NOS1AP: variants seen among roughly 807,000 people sequenced by gnomAD.
NOS1AP encodes the protein nitric oxide synthase 1 adaptor protein, also known as carboxyl-terminal PDZ ligand of neuronal nitric oxide synthase protein.
In NOS1AP, 21 loss-of-function variants were observed where a neutral mutation model predicts 56.2. The ratio of observed to expected loss-of-function variants is 0.37; its 90% CI spans 0.26 to 0.54. The LOEUF is 0.54. Ranked by LOEUF, NOS1AP falls within the 20% of genes least tolerant of loss-of-function variation. NOS1AP has a pLI of 0.84. For synonymous variants in NOS1AP, 270 were observed against 274.6 expected (o/e 0.98, Z 0.17); for missense variants, 522 against 657.8 (o/e 0.79, Z 2.26).
chr1:162,140,616 A>G (rs1490795254), intron 1 of NOS1AP, among the ~76,000 whole-genome samples: 3 of 152,176 alleles, frequency 2.0e-5, no homozygotes, highest in Non-Finnish European at 4.4e-5. Flanking sequence ...ATATCAGTGC[A>G]TATATCTTTT....
intron 1 of NOS1AP, among the ~76,000 whole-genome samples, chr1:162,132,437 A>T (rs1221521792): frequency 6.6e-6 from 1 of 152,252 alleles, no homozygotes; most frequent in East Asian, 1.9e-4. Flanking sequence ...TAAGATCCTC[A>T]TAGGAGAAAT....
rs892607581 is a variant in NOS1AP at position 162,132,639 on chromosome 1, A to G, written c.106-21766A>G. ...CCTAATCTTAGCTCATTAAAGCAAT[A>G]TGGAAAGTAGTAGTAAACTTGGTTT... On this transcript the variant is annotated intron_variant, in intron 1 of 9. Transcript: ENST00000361897. 2.0e-5 allele frequency among the ~76,000 whole-genome samples: 3 copies of G among 152,256 alleles called. No individual in the cohort carries two copies. In the South Asian group the frequency reaches 6.2e-4, roughly 32 times the overall value.
intron 3 of NOS1AP, among the ~76,000 whole-genome samples, chr1:162,289,785 C>T (rs1303066261): frequency 6.6e-6 from 1 of 152,086 alleles, no homozygotes; most frequent in Non-Finnish European, 1.5e-5. Context: ...TGTTGACTTT[C>T]GATTAGGTTA....
At chr1:162,363,251 G>C (rs1424856813) in intron 8 of NOS1AP, 1 of 152,612 alleles carries the variant, frequency 6.6e-6, no homozygotes, top group African/African-American at 2.4e-5. Flanking sequence ...TGATTTGCTA[G>C]AGCAACTGAC....
At chr1:162,335,346 A>G (rs1269885511) in intron 5 of NOS1AP, among the ~76,000 whole-genome samples, 2 of 152,184 alleles carry the variant, frequency 1.3e-5, no homozygotes, top group Non-Finnish European at 2.9e-5. Flanking sequence ...TGTAGGTGGG[A>G]AGGCTGGTTT....
intron 1 of NOS1AP, among the ~76,000 whole-genome samples, chr1:162,090,915 TC>T (rs1692113907): frequency 6.6e-6 from 1 of 152,216 alleles, no homozygotes; most frequent in Non-Finnish European, 1.5e-5. Flanking sequence ...CCTTATTCTC[TC>T]TTTTTTTATA....
chr1:162,198,879 A>G (rs1457582281), intron 2 of NOS1AP, among the ~76,000 whole-genome samples: 1 of 152,102 alleles, frequency 6.6e-6, no homozygotes, highest in Non-Finnish European at 1.5e-5. Flanking sequence ...GAGGCGAGAG[A>G]GAGGACATAT....
intron 2 of NOS1AP, among the ~76,000 whole-genome samples, chr1:162,250,432 G>A (rs1349670797): frequency 1.3e-5 from 2 of 152,220 alleles, no homozygotes; most frequent in Non-Finnish European, 2.9e-5. Flanking sequence ...ACATTTGGAA[G>A]CAAAACAGCA....
intron 1 of NOS1AP, among the ~76,000 whole-genome samples, chr1:162,090,554 C>T (rs1170825258): frequency 1.3e-5 from 2 of 152,096 alleles, no homozygotes; most frequent in African/African-American, 4.8e-5. Flanking sequence ...TCCGGAACCA[C>T]TCTTATCCAT....
chr1:162,367,740 G>A lies in NOS1AP; in HGVS notation c.*273G>A, dbSNP rs1377597807. 2.9e-5 allele frequency: 14 copies of A among 476,964 alleles called. No homozygotes were observed. Among genetic ancestry groups the A allele is most frequent in the African/African-American group, 5.8e-5 (3 of 51,454 alleles). The allele number at this position is 476,964 out of a possible 1,614,324, so 29.5% of individuals were successfully genotyped here. A position where few individuals can be genotyped will look rare whatever the true frequency, so the allele number is the denominator to read the frequency against. ...TTCCAGAGCCCATGGCTTCAGGAGA[G>A]GGTCTCTCTCCAGGACTGCCAGGCT... On this transcript the variant is annotated 3_prime_UTR_variant, in exon 10 of 10. Transcript: ENST00000361897. The surrounding 1 kb of genome is among the most constrained non-coding windows in gnomAD (Gnocchi z 6.5).
intron 2 of NOS1AP, among the ~76,000 whole-genome samples, chr1:162,246,472 G>T (rs1236421096): frequency 1.3e-5 from 2 of 152,140 alleles, no homozygotes; most frequent in Non-Finnish European, 2.9e-5. Context: ...GCTTGGTGCT[G>T]GCTGTTATGG....
At chr1:162,246,467 G>GTGC (rs1243186417) in intron 2 of NOS1AP, among the ~76,000 whole-genome samples, 3 of 152,152 alleles carry the variant, frequency 2.0e-5, no homozygotes, top group African/African-American at 4.8e-5. Flanking sequence ...TCTTAGCTTG[G>GTGC]TGCTGGCTGT....
intron 2 of NOS1AP, among the ~76,000 whole-genome samples, chr1:162,280,502 G>A (rs1347134217): frequency 1.3e-5 from 2 of 152,152 alleles, no homozygotes; most frequent in Non-Finnish European, 2.9e-5. Flanking sequence ...TTTAAAAAAC[G>A]CCAACTTTTG....
intron 2 of NOS1AP, among the ~76,000 whole-genome samples, chr1:162,168,739 T>C (rs1650625605): frequency 6.6e-6 from 1 of 152,136 alleles, no homozygotes; most frequent in African/African-American, 2.4e-5. Context: ...CCTTTCTTTC[T>C]CCTTTGAAAA....
intron 2 of NOS1AP, among the ~76,000 whole-genome samples, chr1:162,225,113 A>G (rs1652899174): frequency 6.6e-6 from 1 of 152,148 alleles, no homozygotes; most frequent in Admixed American, 6.5e-5. Flanking sequence ...AAGTCAAACC[A>G]TTTAATTTGG....
intron 2 of NOS1AP, among the ~76,000 whole-genome samples, chr1:162,284,706 C>T (rs762332939): frequency 3.9e-4 from 60 of 152,222 alleles, no homozygotes; most frequent in African/African-American, 4.8e-4. Context: ...GTTCTTAAGA[C>T]GAAGGTATTA....
chr1:162,127,685 C>A (rs1168068775), intron 1 of NOS1AP, among the ~76,000 whole-genome samples: 12 of 152,104 alleles, frequency 7.9e-5, no homozygotes. Context: ...GGATCAGAAG[C>A]AATAGAGAGA....
intron 1 of NOS1AP, 73 bp downstream of exon 1, chr1:162,070,355 A>T: frequency 2.3e-6 from 3 of 1,287,088 alleles, no homozygotes; most frequent in Non-Finnish European, 3.4e-6. Flanking sequence ...TGGGATGCAC[A>T]GCCGTCCTGG....
At chr1:162,076,369 T>C (rs1309582594) in intron 1 of NOS1AP, among the ~76,000 whole-genome samples, 2 of 152,230 alleles carry the variant, frequency 1.3e-5, no homozygotes, top group Non-Finnish European at 2.9e-5. Flanking sequence ...CTTTGGAGAA[T>C]GTCTATTCTG....
Sources: allele counts gnomAD v4.1 joint callset (sites outside exome capture counted in the v4.1 genomes callset), GRCh38; gene constraint gnomAD v4.1.1; non-coding constraint Gnocchi (gnomAD v3.1); transcripts MANE v1.5; gene names NCBI Gene and HGNC (gene_info 2026-07-23, HGNC 2026-07-21).